The following SIPA1L1 variants were observed in gnomAD, a reference collection of about 807,000 sequenced individuals.
The protein encoded by SIPA1L1 is signal induced proliferation associated 1 like 1.
A neutral mutation model predicts 162.7 loss-of-function variants in SIPA1L1; 26 were observed. The observed-to-expected ratio is 0.16, with a 90% confidence interval of 0.12 to 0.22. SIPA1L1 has a LOEUF of 0.22. Ranked by LOEUF, SIPA1L1 falls within the 10% of genes least tolerant of loss-of-function variation. The pLI is 1.00. For missense variants in SIPA1L1, 1,874 were observed against 2,241.0 expected (o/e 0.84, Z 3.31); for synonymous variants, 829 against 837.4 (o/e 0.99, Z 0.17).
chr14:71,496,121 G>T (rs2049758592), intron 2 of SIPA1L1, among the ~76,000 whole-genome samples: 1 of 150,250 alleles, frequency 6.7e-6, no homozygotes, highest in Middle Eastern at 3.2e-3. Context: ...AGCTTTAGCT[G>T]CATCCCATAA....
chr14:71,479,112 T>G (rs924542507), intron 2 of SIPA1L1, among the ~76,000 whole-genome samples: 1 of 152,116 alleles, frequency 6.6e-6, no homozygotes, highest in Non-Finnish European at 1.5e-5. Flanking sequence ...GCTGGTGATT[T>G]CTTACGAAAA....
chr14:71,642,952 A>G (rs1236003930), intron 7 of SIPA1L1, among the ~76,000 whole-genome samples: 3 of 151,816 alleles, frequency 2.0e-5, no homozygotes, highest in Admixed American at 6.6e-5. Context: ...TGACATAGCA[A>G]TAGAAACAAT....
chr14:71,423,040 T>G (rs1454587555), intron 2 of SIPA1L1, among the ~76,000 whole-genome samples: 1 of 152,202 alleles, frequency 6.6e-6, no homozygotes, highest in Non-Finnish European at 1.5e-5. Flanking sequence ...AGGTGGCACC[T>G]CGTAATTTTG....
intron 2 of SIPA1L1, chr14:71,398,463 C>T (rs1454064061): frequency 6.6e-6 from 1 of 152,208 alleles, no homozygotes; most frequent in Non-Finnish European, 1.5e-5. Flanking sequence ...ACTTAAACTA[C>T]CTGATAGAAC....
At chr14:71,466,596 A>C (rs1040781794) in intron 2 of SIPA1L1, among the ~76,000 whole-genome samples, 259 of 151,026 alleles carry the variant, frequency 1.7e-3, no homozygotes, top group African/African-American at 5.3e-3. Flanking sequence ...AAAAAAAAAA[A>C]CAGTAATAAA....
At chr14:71,360,237 AAGGT>A (rs2037676854) in intron 2 of SIPA1L1, among the ~76,000 whole-genome samples, 1 of 152,238 alleles carries the variant, frequency 6.6e-6, no homozygotes, top group Non-Finnish European at 1.5e-5. Flanking sequence ...TCTAGGGCGT[AAGGT>A]AGTTTATGAA....
At chr14:71,399,142 C>A (rs1333705700) in intron 2 of SIPA1L1, among the ~76,000 whole-genome samples, 1 of 152,158 alleles carries the variant, frequency 6.6e-6, no homozygotes, top group African/African-American at 2.4e-5. Flanking sequence ...ATGCTCATAA[C>A]ATGTTCCTTG....
intron 2 of SIPA1L1, among the ~76,000 whole-genome samples, chr14:71,489,114 C>T (rs1055884046): frequency 6.6e-6 from 1 of 152,212 alleles, no homozygotes. Context: ...CCAGACATTC[C>T]TCCCCAGTTG....
chr14:71,432,253 T>C (rs141347577), intron 2 of SIPA1L1, among the ~76,000 whole-genome samples: 2 of 152,092 alleles, frequency 1.3e-5, no homozygotes, highest in Admixed American at 6.5e-5. Flanking sequence ...TTTTTATTTT[T>C]TGTAGAGATG....
At chr14:71,494,000 C>T (rs1336470106) in intron 2 of SIPA1L1, among the ~76,000 whole-genome samples, 2 of 152,202 alleles carry the variant, frequency 1.3e-5, no homozygotes, top group East Asian at 3.8e-4. Flanking sequence ...AACATGAGTT[C>T]TCTGATTGGG....
chr14:71,675,570 T>C (rs1422305957), intron 12 of SIPA1L1, among the ~76,000 whole-genome samples: 3 of 152,248 alleles, frequency 2.0e-5, no homozygotes, highest in Non-Finnish European at 4.4e-5. Context: ...GTTACAATTT[T>C]CAACAAAATA....
At chr14:71,548,344 A>G (rs544153395) in intron 4 of SIPA1L1, among the ~76,000 whole-genome samples, 5 of 152,202 alleles carry the variant, frequency 3.3e-5, no homozygotes, top group Non-Finnish European at 5.9e-5. Context: ...TTTATCATTT[A>G]CAAAATTTGA....
intron 15 of SIPA1L1, chr14:71,704,943 C>T (rs2082335310): frequency 1.6e-6 from 1 of 642,940 alleles, no homozygotes; most frequent in Admixed American, 2.5e-5. Flanking sequence ...AAAGTTGATT[C>T]TGAACTTTGC....
chr14:71,446,854 T>G (rs2045386107), intron 2 of SIPA1L1, among the ~76,000 whole-genome samples: 1 of 150,136 alleles, frequency 6.7e-6, no homozygotes, highest in African/African-American at 2.5e-5. Flanking sequence ...CATTTCCAAT[T>G]GAGTTAAGTA....
At chr14:71,516,720 C>T (rs999652478) in intron 3 of SIPA1L1, among the ~76,000 whole-genome samples, 1 of 151,534 alleles carries the variant, frequency 6.6e-6, no homozygotes, top group Non-Finnish European at 1.5e-5. Flanking sequence ...CGCCTGTAAT[C>T]CCAGCACTTT....
intron 12 of SIPA1L1, among the ~76,000 whole-genome samples, chr14:71,681,635 G>A (rs1432692273): frequency 6.6e-6 from 1 of 152,158 alleles, no homozygotes; most frequent in African/African-American, 2.4e-5. Context: ...CAGAGGAGGA[G>A]TTTTGATTCA....
At chr14:71,679,842 T>C (rs1483561359) in intron 12 of SIPA1L1, among the ~76,000 whole-genome samples, 1 of 152,136 alleles carries the variant, frequency 6.6e-6, no homozygotes, top group Non-Finnish European at 1.5e-5. Context: ...AAGAAGGCCA[T>C]TACATAATGG....
At chr14:71,652,803 C>G (rs530102923) in intron 8 of SIPA1L1, among the ~76,000 whole-genome samples, 1 of 152,240 alleles carries the variant, frequency 6.6e-6, no homozygotes, top group African/African-American at 2.4e-5. Context: ...CCAAAAGTTG[C>G]ATTTGATAAT....
intron 2 of SIPA1L1, among the ~76,000 whole-genome samples, chr14:71,462,341 G>T (rs181388195): frequency 4.3e-4 from 66 of 152,310 alleles, no homozygotes; most frequent in Non-Finnish European, 8.7e-4. Flanking sequence ...GATCTGCTGG[G>T]TCATATGGCC....
Sources: allele counts gnomAD v4.1 joint callset (sites outside exome capture counted in the v4.1 genomes callset), GRCh38; gene constraint gnomAD v4.1.1; transcripts MANE v1.5; gene names NCBI Gene and HGNC (gene_info 2026-07-23, HGNC 2026-07-21).